The following ERBB4 variants were observed in gnomAD, a reference collection of about 807,000 sequenced individuals.
ERBB4 encodes erb-b2 receptor tyrosine kinase 4.
Under a neutral mutation model 158.0 loss-of-function variants are expected in ERBB4, and 42 were observed. The ratio of observed to expected loss-of-function variants is 0.27; its 90% CI spans 0.21 to 0.34. The LOEUF (loss-of-function observed/expected upper bound fraction) is 0.34, where lower values mean the gene tolerates loss of function less well. Ranked by LOEUF, ERBB4 falls within the 10% of genes least tolerant of loss-of-function variation. ERBB4 has a pLI of 1.00. For missense variants in ERBB4, 1,333 were observed against 1,624.1 expected (o/e 0.82, Z 3.08); for synonymous variants, 583 against 558.7 (o/e 1.04, Z -0.61).
At chr2:212,042,846 A>G (rs902200531) in intron 2 of ERBB4, among the ~76,000 whole-genome samples, 6 of 152,158 alleles carry the variant, frequency 3.9e-5, no homozygotes, top group Admixed American at 3.9e-4. Context: ...GTTGTTGTTT[A>G]GTCTATATTT....
intron 1 of ERBB4, among the ~76,000 whole-genome samples, chr2:212,457,373 C>G (rs1688348003): frequency 6.6e-6 from 1 of 151,974 alleles, no homozygotes. Context: ...TCTACACTAT[C>G]TTTCAGATAT....
chr2:212,172,527 A>G (rs2081548343), intron 1 of ERBB4, among the ~76,000 whole-genome samples: 1 of 152,152 alleles, frequency 6.6e-6, no homozygotes. Flanking sequence ...ATTTCCATCA[A>G]TTGCAGATTA....
At chr2:212,096,774 G>C (rs1264334220) in intron 2 of ERBB4, among the ~76,000 whole-genome samples, 1 of 152,140 alleles carries the variant, frequency 6.6e-6, no homozygotes, top group African/African-American at 2.4e-5. Context: ...AGAAAATGTG[G>C]GATGAAGAAG....
intron 1 of ERBB4, among the ~76,000 whole-genome samples, chr2:212,316,861 T>C (rs1483902091): frequency 6.6e-6 from 1 of 151,576 alleles, no homozygotes; most frequent in Non-Finnish European, 1.5e-5. Flanking sequence ...TCAATAAAAC[T>C]GTTTTAAAAA....
At chr2:211,448,722 T>C (rs1426235997) in intron 20 of ERBB4, among the ~76,000 whole-genome samples, 1 of 152,088 alleles carries the variant, frequency 6.6e-6, no homozygotes, top group African/African-American at 2.4e-5. Context: ...AGCCCAAGAA[T>C]AGGTAAAATA....
At chr2:211,996,426 T>A (rs2082201832) in intron 2 of ERBB4, among the ~76,000 whole-genome samples, 1 of 152,114 alleles carries the variant, frequency 6.6e-6, no homozygotes, top group African/African-American at 2.4e-5. Flanking sequence ...ATTTTAAGAA[T>A]GAAAGCTGAT....
At chr2:211,468,244 A>T (rs1249260511) in intron 20 of ERBB4, among the ~76,000 whole-genome samples, 4 of 152,182 alleles carry the variant, frequency 2.6e-5, no homozygotes, top group Non-Finnish European at 5.9e-5. Flanking sequence ...ATATGCTAAC[A>T]CATGTCTGTG....
At chr2:212,479,583 C>T (rs1163060798) in intron 1 of ERBB4, among the ~76,000 whole-genome samples, 1 of 152,044 alleles carries the variant, frequency 6.6e-6, no homozygotes, top group East Asian at 1.9e-4. Flanking sequence ...TATTAACATC[C>T]CTACTTTAAT....
At chr2:212,188,187 T>TCC (rs2082072983) in intron 1 of ERBB4, among the ~76,000 whole-genome samples, 2 of 9,690 alleles carry the variant, frequency 2.1e-4, no homozygotes, top group Admixed American at 1.3e-3. Context: ...CCTTCAGGTC[T>TCC]CTCTCTCTCT....
intron 2 of ERBB4, among the ~76,000 whole-genome samples, chr2:212,023,824 C>T (rs1049751117): frequency 4.6e-5 from 7 of 151,634 alleles, no homozygotes; most frequent in African/African-American, 1.5e-4. Context: ...GGAAAGGAAA[C>T]GTACCTTTTG....
chr2:212,505,857 G>A (rs976280766), intron 1 of ERBB4, among the ~76,000 whole-genome samples: 12 of 148,926 alleles, frequency 8.1e-5, no homozygotes, highest in Admixed American at 2.0e-4. Context: ...ACAGTACAAG[G>A]CTACTTAGTA....
In ERBB4 at chr2:211,406,211, C is replaced by CTAGT. The variant is rs2063144846; in HGVS notation, c.3135+14226_3135+14229dup. On this transcript the variant is annotated intron_variant, in intron 25 of 27. Transcript: ENST00000342788. ...ACACTTTCTCATTGCATTTTATTGGCTAGTTACTTATTCATAAATTTCTTC... is the reference window on the plus strand; with the variant it reads ...ACACTTTCTCATTGCATTTTATTGGCTAGTTAGTTACTTATTCATAAATTTCTTC... 2.0e-5 allele frequency among the ~76,000 whole-genome samples: 3 copies of CTAGT among 152,144 alleles called. No homozygotes were observed. The South Asian group carries it at 6.2e-4, about 31-fold the overall frequency.
chr2:211,821,080 T>A (rs1293700858), intron 3 of ERBB4, among the ~76,000 whole-genome samples: 1 of 151,746 alleles, frequency 6.6e-6, no homozygotes, highest in Non-Finnish European at 1.5e-5. Flanking sequence ...ATAAAGGACA[T>A]CCAAACTGGA....
At chr2:212,272,386 A>C (rs1451722172) in intron 1 of ERBB4, among the ~76,000 whole-genome samples, 1 of 151,786 alleles carries the variant, frequency 6.6e-6, no homozygotes, top group Non-Finnish European at 1.5e-5. Context: ...TTTGCATTTC[A>C]CTCTTCCCTA....
At chr2:212,081,061 C>A (rs1198295490) in intron 2 of ERBB4, among the ~76,000 whole-genome samples, 1 of 152,286 alleles carries the variant, frequency 6.6e-6, no homozygotes, top group Non-Finnish European at 1.5e-5. Flanking sequence ...GTCAATAGCA[C>A]AGAAGCCCTC....
At chr2:212,066,854 T>C (rs2077963089) in intron 2 of ERBB4, among the ~76,000 whole-genome samples, 1 of 151,938 alleles carries the variant, frequency 6.6e-6, no homozygotes, top group African/African-American at 2.4e-5. Flanking sequence ...AGGTTTCCAA[T>C]AGCTATGAGT....
chr2:212,335,098 T>C (rs1344537168), intron 1 of ERBB4, among the ~76,000 whole-genome samples: 2 of 151,976 alleles, frequency 1.3e-5, no homozygotes, highest in Non-Finnish European at 2.9e-5. Context: ...AAACATAAAA[T>C]CCAAATATTC....
chr2:212,003,246 AAG>A (rs2076179167), intron 2 of ERBB4, among the ~76,000 whole-genome samples: 1 of 131,642 alleles, frequency 7.6e-6, no homozygotes, highest in African/African-American at 2.7e-5. Context: ...GGAAGGAAGG[AAG>A]GAAGGAAGGA....
chr2:211,856,279 A>G lies in ERBB4; in HGVS notation c.422-68120T>C, dbSNP rs114356330. 3.2e-3 allele frequency among the ~76,000 whole-genome samples: 492 copies of G among 152,262 alleles called. 3 individuals carry two copies. Among genetic ancestry groups the G allele is most frequent in the African/African-American group, 0.011 (472 of 41,564 alleles). The stretch of plus-strand genomic sequence containing the variant: ...TCAGATAATGCCCTTTCTGATTTCA[A>G]TTAGGCAATTACAGCCCAGAGCTGT... On this transcript the variant is annotated intron_variant, in intron 3 of 27. Coordinates refer to ENST00000342788, the MANE Select transcript of ERBB4 (RefSeq NM_005235.3).
Sources: allele counts gnomAD v4.1 joint callset (sites outside exome capture counted in the v4.1 genomes callset), GRCh38; gene constraint gnomAD v4.1.1; transcripts MANE v1.5; gene names NCBI Gene and HGNC (gene_info 2026-07-23, HGNC 2026-07-21).